Variants in CDHR3 observed in about 807,000 individuals in gnomAD.
CDHR3 encodes cadherin-related family member 3.
Under a neutral mutation model 86.6 loss-of-function variants are expected in CDHR3, and 79 were observed. That is an observed-to-expected ratio of 0.91 (90% confidence interval 0.76 to 1.10). The LOEUF is 1.10. CDHR3 is among the 50% of genes least tolerant of loss of function. The pLI, the probability that CDHR3 is intolerant of heterozygous loss-of-function variation, is 0.00. For missense variants in CDHR3, 1,081 were observed against 1,077.6 expected (o/e 1.00, Z -0.04); for synonymous variants, 421 against 402.4 (o/e 1.05, Z -0.55).
intron 8 of CDHR3, among the ~76,000 whole-genome samples, chr7:106,005,662 A>G (rs1435496823): frequency 3.3e-5 from 5 of 152,218 alleles, no homozygotes; most frequent in African/African-American, 1.2e-4. Context: ...GACTCTGGAC[A>G]TAGACCCAAT....
chr7:106,023,068 C>T (rs1585830361), intron 14 of CDHR3, among the ~76,000 whole-genome samples: 1 of 152,156 alleles, frequency 6.6e-6, no homozygotes, highest in Non-Finnish European at 1.5e-5. Flanking sequence ...TAAGTGCGGT[C>T]CCTAGACCAT....
intron 14 of CDHR3, 68 bp from the exon 15 acceptor site, chr7:106,024,313 C>A: frequency 7.2e-7 from 1 of 1,380,138 alleles, no homozygotes; most frequent in Non-Finnish European, 1.0e-6. Flanking sequence ...ACACTCAACA[C>A]GAGAGAGTGC....
intron 12 of CDHR3, among the ~76,000 whole-genome samples, chr7:106,019,256 AC>A (rs145748434): frequency 0.04 from 6,122 of 152,176 alleles, 169 homozygotes; most frequent in South Asian, 0.13. Context: ...TCACCTGATA[AC>A]CCCAATGCCT....
chr7:105,969,435 C>G (rs1366943804), intron 1 of CDHR3, among the ~76,000 whole-genome samples: 1 of 149,100 alleles, frequency 6.7e-6, no homozygotes, highest in Non-Finnish European at 1.5e-5. Flanking sequence ...TTCGTTGTAA[C>G]CGTGGGTCCT....
At chr7:105,989,884 C>G (rs1309294964) in intron 4 of CDHR3, among the ~76,000 whole-genome samples, 1 of 152,214 alleles carries the variant, frequency 6.6e-6, no homozygotes, top group Admixed American at 6.5e-5. Context: ...ACACCCCCAC[C>G]TGCCCCAGTC....
intron 5 of CDHR3, among the ~76,000 whole-genome samples, chr7:105,995,903 T>G (rs1832118440): frequency 6.6e-6 from 1 of 152,056 alleles, no homozygotes; most frequent in African/African-American, 2.4e-5. Context: ...GAGCTAGCCA[T>G]GTGAGCCATG....
At chr7:105,995,068 T>C (rs1831980127) in intron 5 of CDHR3, among the ~76,000 whole-genome samples, 1 of 152,166 alleles carries the variant, frequency 6.6e-6, no homozygotes, top group Non-Finnish European at 1.5e-5. Flanking sequence ...AATGACAGTA[T>C]GGGAGAGGGT....
At chr7:106,028,077 A>C (rs1585859208) in intron 16 of CDHR3, among the ~76,000 whole-genome samples, 1 of 151,982 alleles carries the variant, frequency 6.6e-6, no homozygotes, top group East Asian at 1.9e-4. Context: ...GCGAGTTGTG[A>C]CCGCACTCTA....
At chr7:105,966,365 C>T (rs1826930626) in intron 1 of CDHR3, among the ~76,000 whole-genome samples, 1 of 152,194 alleles carries the variant, frequency 6.6e-6, no homozygotes, top group African/African-American at 2.4e-5. Context: ...TGAAAAGGTA[C>T]CAAACCCATC....
At chr7:106,016,057 C>A in intron 11 of CDHR3, 32 bp downstream of exon 11, 1 of 1,416,868 alleles carries the variant, frequency 7.1e-7, no homozygotes, top group Non-Finnish European at 9.9e-7. Flanking sequence ...GACCAGAGTG[C>A]TGTCAATGGA....
In CDHR3 at chr7:105,980,505, G is replaced by A. The variant is rs866006075; in HGVS notation, c.250-463G>A. ...TGTTACATATGTATACAGGTGCCAT[G>A]TTCTTAACAATGAGGAAATCTAACT... On this transcript the variant is annotated intron_variant, in intron 2 of 18. Coordinates refer to ENST00000317716, the MANE Select transcript of CDHR3 (RefSeq NM_152750.5). Among the ~76,000 whole-genome samples the A allele has an allele frequency of 2.7e-5, 4 of 146,296 alleles. No individual in the cohort carries two copies. The East Asian group carries it at 6.1e-4, about 22-fold the overall frequency.
At chr7:105,971,002 A>C (rs1827865813) in intron 1 of CDHR3, among the ~76,000 whole-genome samples, 1 of 152,126 alleles carries the variant, frequency 6.6e-6, no homozygotes, top group Non-Finnish European at 1.5e-5. Context: ...ATAGCCAGGC[A>C]TGGTGGCAGG....
rs897563658 is a variant in CDHR3 at position 106,012,872 on chromosome 7, G to A, written c.1065G>A (p.Pro355=). 14 of 1,603,842 alleles carry A rather than the reference G, an allele frequency of 8.7e-6. No individual in the cohort carries two copies. The highest frequency in any genetic ancestry group is 3.5e-5 in the Admixed American group (2 of 57,814). ...CQKFTFSIMV[P]ERTAKGTLLL... ...GTCTTTTCACCAGCATTATGGTGCC[G>A]GAAAGAACAGCCAAGGGGACGTTGC... The change falls in exon 9 of 19, where the codon CCG becomes CCA. Residue 355 remains proline, a synonymous_variant. Coordinates refer to ENST00000317716, the MANE Select transcript of CDHR3 (RefSeq NM_152750.5).
Position 106,028,167 on chromosome 7 carries a change from TAAAATAAAATAAAAG to T in CDHR3, c.2273-383_2273-369del, listed in dbSNP as rs1428051761. On this transcript the variant is annotated intron_variant, in intron 16 of 18. Coordinates refer to ENST00000317716, the MANE Select transcript of CDHR3 (RefSeq NM_152750.5). ...TAAAATAAAATAAAATAAAATAAAA[TAAAATAAAATAAAAG>T]GGCTTGGGAATTAATGCACAAAACC... Among the ~76,000 whole-genome samples the T allele has an allele frequency of 6.5e-4, 76 of 116,332 alleles. No individual in the cohort carries two copies. In the South Asian group the frequency reaches 6.8e-3, roughly 10 times the overall value. The allele number at this position is 116,332 out of a possible 152,430, so 76.3% of individuals were successfully genotyped here. A position where few individuals can be genotyped will look rare whatever the true frequency, so the allele number is the denominator to read the frequency against.
At chr7:106,004,952 T>C (rs1416162042) in intron 8 of CDHR3, 7 of 451,184 alleles carry the variant, frequency 1.6e-5, no homozygotes, top group Non-Finnish European at 2.0e-5. Context: ...CTCCCTTCTA[T>C]ATCTGGCTCA....
At chr7:105,995,574 G>A (rs1036944305) in intron 5 of CDHR3, among the ~76,000 whole-genome samples, 7 of 152,140 alleles carry the variant, frequency 4.6e-5, no homozygotes, top group South Asian at 2.1e-4. Context: ...AGTCCTGCTC[G>A]TTTTATGGCC....
intron 17 of CDHR3, among the ~76,000 whole-genome samples, chr7:106,028,916 T>TTCTCTTTCTTTCTTTC (rs1491327817): frequency 1.2e-5 from 1 of 82,998 alleles, no homozygotes; most frequent in African/African-American, 4.3e-5. Context: ...GAGATTTAAA[T>TTCTCTTTCTTTCTTTC]TTTCTTTCTT....
rs1248539919 is a variant in CDHR3, at chr7:106,035,894, G to C, written c.*3197G>C. ...CAGCCAATTTCCCAGCGTTGACCAG[G>C]TTTTGGGGGGAACAAAATTATCTGA... On this transcript the variant is annotated 3_prime_UTR_variant, in exon 19 of 19. Transcript: ENST00000317716. 2 of 152,218 alleles carry C rather than the reference G, an allele frequency of 1.3e-5. No homozygotes were observed. Among genetic ancestry groups the C allele is most frequent in the Non-Finnish European group, 2.9e-5 (2 of 68,042 alleles). 9.4% of individuals were successfully genotyped at this position (152,218 alleles called of 1,614,324 possible). A position where few individuals can be genotyped will look rare whatever the true frequency, so the allele number is the denominator to read the frequency against.
rs544758027 is a variant in CDHR3, at chr7:106,001,425, C to G, written c.714-37C>G. 2.1e-5 allele frequency: 34 copies of G among 1,609,558 alleles called. No homozygotes were observed. In the African/African-American group the frequency reaches 4.4e-4, roughly 21 times the overall value. ...GCCTAGATGCTACCTTCCCGTGCCC[C>G]TGGAAATTAGCTGTGTCTGCTGTAT... On this transcript the variant is annotated intron_variant, in intron 6 of 18. Transcript: ENST00000317716.
Sources: allele counts gnomAD v4.1 joint callset (sites outside exome capture counted in the v4.1 genomes callset), GRCh38; gene constraint gnomAD v4.1.1; transcripts MANE v1.5; gene names NCBI Gene and HGNC (gene_info 2026-07-23, HGNC 2026-07-21).